The following ETFA variants were observed in gnomAD, a reference collection of about 807,000 sequenced individuals.
The protein encoded by ETFA is electron transfer flavoprotein subunit alpha, mitochondrial.
Under a neutral mutation model 46.2 loss-of-function variants are expected in ETFA, and 22 were observed. The ratio of observed to expected loss-of-function variants is 0.48; its 90% CI spans 0.34 to 0.68. The LOEUF (loss-of-function observed/expected upper bound fraction) is 0.68, where lower values mean the gene tolerates loss of function less well. Ranked by LOEUF, ETFA falls within the 30% of genes least tolerant of loss-of-function variation. ETFA has a pLI of 0.01. For synonymous variants in ETFA, 131 were observed against 139.9 expected (o/e 0.94, Z 0.45); for missense variants, 345 against 401.1 (o/e 0.86, Z 1.19).
At chr15:76,219,753 G>T (rs1311503117) in intron 11 of ETFA, among the ~76,000 whole-genome samples, 1 of 152,134 alleles carries the variant, frequency 6.6e-6, no homozygotes. Flanking sequence ...TAGTTATTAG[G>T]AAAACGCAAA....
Position 76,304,839 on chromosome 15 carries a change from G to T in ETFA, c.39+6511C>A, listed in dbSNP as rs1209325840. 5.3e-5 allele frequency among the ~76,000 whole-genome samples: 8 copies of T among 152,032 alleles called. No homozygotes were observed. The East Asian group carries it at 5.8e-4, about 11-fold the overall frequency. The stretch of plus-strand genomic sequence containing the variant: ...GCGGGCAGATCACAAGGTCAGGAGA[G>T]CGAGACCATCCTGGCTAACATGGTG... On this transcript the variant is annotated intron_variant, in intron 1 of 11. Coordinates refer to ENST00000557943, the MANE Select transcript of ETFA (RefSeq NM_000126.4).
At chr15:76,271,914 T>TACACAC (rs3866542) in intron 9 of ETFA, among the ~76,000 whole-genome samples, 1 of 148,712 alleles carries the variant, frequency 6.7e-6, no homozygotes, top group Non-Finnish European at 1.5e-5. Context: ...TGTGTGTATA[T>TACACAC]ACACACACAC....
At chr15:76,305,440 G>C (rs777416507) in intron 1 of ETFA, among the ~76,000 whole-genome samples, 1 of 152,182 alleles carries the variant, frequency 6.6e-6, no homozygotes, top group Non-Finnish European at 1.5e-5. Context: ...ACATGTATAA[G>C]GGTAACTAAA....
chr15:76,234,005 T>C (rs776846633), intron 9 of ETFA, among the ~76,000 whole-genome samples: 3 of 152,246 alleles, frequency 2.0e-5, no homozygotes, highest in Non-Finnish European at 2.9e-5. Flanking sequence ...TCCCCAAAAA[T>C]GAATTCCATT....
chr15:76,259,816 G>A, intron 9 of ETFA: 1 of 1,598,808 alleles, frequency 6.3e-7, no homozygotes, highest in Admixed American at 1.7e-5. Flanking sequence ...CCATGAACCG[G>A]ATCAGGGTAA....
In ETFA at chr15:76,304,532, C is replaced by T. The variant is rs141101615; in HGVS notation, c.39+6818G>A. Among the ~76,000 whole-genome samples the T allele has an allele frequency of 3.2e-3, 479 of 151,996 alleles. 1 individual carries two copies. Among genetic ancestry groups the T allele is most frequent in the African/African-American group, 0.011 (450 of 41,428 alleles). ...TTAAAAAATTAGTCAGATGTGGTGG[C>T]GCATTCCCGTAGCCCCAGCTACTTG... On this transcript the variant is annotated intron_variant, in intron 1 of 11. Coordinates refer to ENST00000557943, the MANE Select transcript of ETFA (RefSeq NM_000126.4).
intron 11 of ETFA, among the ~76,000 whole-genome samples, chr15:76,225,105 T>A (rs1376845519): frequency 6.6e-6 from 1 of 152,080 alleles, no homozygotes; most frequent in Non-Finnish European, 1.5e-5. Flanking sequence ...ATAAGCTGGA[T>A]ATGGGTGCCT....
At chr15:76,260,734 C>T (rs139745290) in intron 9 of ETFA, 19 of 1,606,516 alleles carry the variant, frequency 1.2e-5, no homozygotes, top group Admixed American at 6.7e-5. Flanking sequence ...TTTTGGGGAG[C>T]GCTGGCTGGG....
intron 1 of ETFA, among the ~76,000 whole-genome samples, chr15:76,308,159 T>C (rs184810066): frequency 2.0e-5 from 3 of 152,306 alleles, no homozygotes; most frequent in Admixed American, 6.5e-5. Context: ...TTCCTTATAG[T>C]AGAATAACTA....
At chr15:76,226,913 G>A (rs971311853) in intron 10 of ETFA, among the ~76,000 whole-genome samples, 1 of 152,022 alleles carries the variant, frequency 6.6e-6, no homozygotes, top group Non-Finnish European at 1.5e-5. Flanking sequence ...AAATACAATA[G>A]AATAAAATAA....
At chr15:76,260,571 G>C (rs2039399231) in intron 9 of ETFA, 2 of 1,497,548 alleles carry the variant, frequency 1.3e-6, no homozygotes, top group African/African-American at 2.8e-5. Context: ...TGTCAAATTG[G>C]CCCTGGTCCC....
intron 9 of ETFA, among the ~76,000 whole-genome samples, chr15:76,272,679 A>G (rs1160626882): frequency 6.6e-6 from 1 of 151,966 alleles, no homozygotes; most frequent in Non-Finnish European, 1.5e-5. Context: ...AGTCCCAGCC[A>G]CTCAAGAGGC....
chr15:76,234,225 A>G (rs1270396181), intron 9 of ETFA, among the ~76,000 whole-genome samples: 2 of 152,208 alleles, frequency 1.3e-5, no homozygotes, highest in African/African-American at 2.4e-5. Flanking sequence ...GAACAAGTAT[A>G]GGGATTTTGG....
At chr15:76,245,843 A>G (rs1016094642) in intron 9 of ETFA, among the ~76,000 whole-genome samples, 1 of 152,238 alleles carries the variant, frequency 6.6e-6, no homozygotes, top group Non-Finnish European at 1.5e-5. Context: ...CAATCTAGAA[A>G]TAAGTATTAA....
intron 11 of ETFA, among the ~76,000 whole-genome samples, chr15:76,216,862 T>TTTTTTTC (rs2038902196): frequency 6.7e-6 from 1 of 148,486 alleles, no homozygotes. Flanking sequence ...TTTTTTTTTT[T>TTTTTTTC]TGAGACAGGC....
intron 11 of ETFA, among the ~76,000 whole-genome samples, chr15:76,223,501 G>C (rs1231975552): frequency 6.6e-6 from 1 of 152,182 alleles, no homozygotes; most frequent in Non-Finnish European, 1.5e-5. Context: ...GGGATTGCAG[G>C]TGTGAGCCAC....
At chr15:76,241,813 A>G (rs1474255596) in intron 9 of ETFA, among the ~76,000 whole-genome samples, 1 of 143,032 alleles carries the variant, frequency 7.0e-6, no homozygotes, top group East Asian at 2.1e-4. Context: ...AAAAAAAAAA[A>G]AAAAAAAAAA....
intron 9 of ETFA, among the ~76,000 whole-genome samples, chr15:76,235,528 T>C (rs563383734): frequency 6.6e-6 from 1 of 152,344 alleles, no homozygotes; most frequent in African/African-American, 2.4e-5. Context: ...TGTCTAAGTG[T>C]ACCATAATAG....
At chr15:76,280,461 A>G (rs1474806471) in intron 8 of ETFA, among the ~76,000 whole-genome samples, 4 of 152,074 alleles carry the variant, frequency 2.6e-5, no homozygotes, top group Non-Finnish European at 5.9e-5. Flanking sequence ...CCCCACATCA[A>G]CTGCAACTAC....
Sources: allele counts gnomAD v4.1 joint callset (sites outside exome capture counted in the v4.1 genomes callset), GRCh38; gene constraint gnomAD v4.1.1; transcripts MANE v1.5; gene names NCBI Gene and HGNC (gene_info 2026-07-23, HGNC 2026-07-21).